The following TTI1 variants were observed in gnomAD, a reference collection of about 807,000 sequenced individuals.
The protein encoded by TTI1 is TELO2 interacting protein 1, also known as TELO2-interacting protein 1 homolog.
TTI1 carries 52 observed loss-of-function variants against 85.4 expected under a neutral mutation model. That is an observed-to-expected ratio of 0.61 (90% CI 0.49 to 0.77). TTI1 has a LOEUF of 0.77. Ranked by LOEUF, TTI1 falls within the 30% of genes least tolerant of loss-of-function variation. The pLI, the probability that TTI1 is intolerant of heterozygous loss-of-function variation, is 0.00. For missense variants in TTI1, 1,173 were observed against 1,296.0 expected, an observed-to-expected ratio of 0.91 and a Z score of 1.46; for synonymous variants, 512 against 503.9, an observed-to-expected ratio of 1.02 and a Z score of -0.22.
In TTI1 at chr20:38,013,015, C is replaced by T. The variant is rs2122590714; in HGVS notation, c.802G>A (p.Val268Ile). 6.2e-7 allele frequency: 1 copy of T among 1,614,056 alleles called. No individual in the cohort carries two copies. The highest frequency in any genetic ancestry group is 1.6e-4 in the Middle Eastern group (1 of 6,062). Residue 268 changes from valine to isoleucine, a missense_variant, in exon 2 of 8, where the codon GTA becomes ATA. Val to Ile is a conservative substitution (Grantham distance 29). Transcript: ENST00000373447. ...VQAKPAVEHR[V>I]AELMVYREAD... ...TCCCTGTAAACCATCAGCTCTGCTA[C>T]TCTGTGCTCAACTGCAGGTTTTGCT... is the stretch of plus-strand genomic sequence containing the variant.
At chr20:38,018,151 C>T (rs950270268) in intron 1 of TTI1, among the ~76,000 whole-genome samples, 2 of 152,088 alleles carry the variant, frequency 1.3e-5, no homozygotes, top group Non-Finnish European at 2.9e-5. Flanking sequence ...AGAAGCAGAC[C>T]TATGGATGGC....
At chr20:38,002,965 G>A (rs1468747492) in intron 3 of TTI1, among the ~76,000 whole-genome samples, 189 bp from the exon 4 acceptor site, 2 of 152,182 alleles carry the variant, frequency 1.3e-5, no homozygotes, top group Non-Finnish European at 2.9e-5. Context: ...CATTTTATGA[G>A]GTCCCTATTT....
chr20:38,024,794 G>C (rs2073815324), intron 1 of TTI1, among the ~76,000 whole-genome samples: 1 of 152,142 alleles, frequency 6.6e-6, no homozygotes, highest in Non-Finnish European at 1.5e-5. Context: ...GTAGGAGCAG[G>C]CATTCCATCC....
intron 7 of TTI1, among the ~76,000 whole-genome samples, chr20:37,996,032 T>C (rs907285071): frequency 2.6e-5 from 4 of 152,166 alleles, no homozygotes; most frequent in African/African-American, 9.7e-5. Flanking sequence ...ACTTTGCTGT[T>C]GAAGAAGCCA....
chr20:37,997,002 A>G (rs2073351990), intron 5 of TTI1, 49 bp from the exon 6 acceptor site: 5 of 1,582,068 alleles, frequency 3.2e-6, no homozygotes, highest in Non-Finnish European at 4.3e-6. Context: ...CAAGGCAGCA[A>G]GAGAGCTAAA....
intron 7 of TTI1, among the ~76,000 whole-genome samples, chr20:37,989,526 C>T (rs1013545466): frequency 5.3e-5 from 8 of 152,180 alleles, no homozygotes; most frequent in Non-Finnish European, 7.3e-5. Flanking sequence ...CCCACTGGGG[C>T]GAGATTTAAA....
At chr20:38,000,475 G>T (rs543513698) in intron 4 of TTI1, 1 of 154,348 alleles carries the variant, frequency 6.5e-6, no homozygotes, top group East Asian at 1.9e-4. Flanking sequence ...CTTCCCTCCC[G>T]CGTGGGCGGC....
chr20:38,016,145 G>T (rs2073678849), intron 1 of TTI1, among the ~76,000 whole-genome samples: 1 of 152,198 alleles, frequency 6.6e-6, no homozygotes, highest in Non-Finnish European at 1.5e-5. Context: ...AAGGATTGTG[G>T]CCCCCAAATG....
At chr20:37,985,003 A>C (rs528713639) in intron 7 of TTI1, among the ~76,000 whole-genome samples, 1 of 152,352 alleles carries the variant, frequency 6.6e-6, no homozygotes, top group African/African-American at 2.4e-5. Flanking sequence ...AGAATATTTA[A>C]GTTCTACGAA....
Position 38,013,391 on chromosome 20 carries a change from A to T in TTI1, c.426T>A (p.Phe142Leu). The change falls in exon 2 of 8, where the codon TTT becomes TTA. Residue 142 changes from phenylalanine (F) to leucine (L), a missense_variant. Transcript: ENST00000373447. ...HSAYGDIILT[F>L]YEPSILPRLG... ...AACGTGGCAGAATGGAGGGCTCATAAAAAGTCAGAATGATGTCCCCATAAG... is the reference window on the plus strand; with the variant it reads ...AACGTGGCAGAATGGAGGGCTCATATAAAGTCAGAATGATGTCCCCATAAG... The T allele has an allele frequency of 6.2e-7, 1 of 1,614,070 alleles. No individual in the cohort carries two copies. Among genetic ancestry groups the T allele is most frequent in the Non-Finnish European group, 8.5e-7 (1 of 1,180,034 alleles).
chr20:38,013,912 G>C (rs1600641455), intron 1 of TTI1, 55 bp from the exon 2 acceptor site: 2 of 1,492,406 alleles, frequency 1.3e-6, no homozygotes, highest in East Asian at 2.3e-5. Flanking sequence ...AGTATGAAGT[G>C]AACTTGCATT....
At chr20:38,021,688 A>G (rs2073773469) in intron 1 of TTI1, among the ~76,000 whole-genome samples, 1 of 152,198 alleles carries the variant, frequency 6.6e-6, no homozygotes, top group Non-Finnish European at 1.5e-5. Context: ...AGTAGTTGGC[A>G]AGTAGGCACT....
chr20:38,008,390 C>T (rs1450047697), intron 2 of TTI1, among the ~76,000 whole-genome samples: 1 of 152,162 alleles, frequency 6.6e-6, no homozygotes, highest in East Asian at 1.9e-4. Context: ...CAAGAAAGGA[C>T]TGGTTAAATA....
intron 1 of TTI1, among the ~76,000 whole-genome samples, chr20:38,029,884 C>T (rs6022478): frequency 1.3e-5 from 2 of 152,120 alleles, no homozygotes; most frequent in African/African-American, 4.8e-5. Flanking sequence ...CCTGCACTGC[C>T]TTGGGACTCT....
intron 7 of TTI1, among the ~76,000 whole-genome samples, chr20:37,994,761 C>T (rs1411473945): frequency 1.3e-5 from 2 of 152,280 alleles, no homozygotes; most frequent in South Asian, 2.1e-4. Context: ...AAGGGAGCTG[C>T]GGTCAAGTGG....
At chr20:38,001,095 A>T (rs2073419512) in intron 4 of TTI1, among the ~76,000 whole-genome samples, 1 of 152,164 alleles carries the variant, frequency 6.6e-6, no homozygotes, top group Non-Finnish European at 1.5e-5. Context: ...CTCTCTCCCC[A>T]CAAAAGACAG....
rs546454601 is a variant in TTI1 at position 38,010,316 on chromosome 20, G to T, written c.2302+1199C>A. On this transcript the variant is annotated intron_variant, in intron 2 of 7. Transcript: ENST00000373447. ...CCAGTGACCATTCCACCTTCTCAGA[G>T]GCTATTAGCAGTACTGAGATAAATA... Among the ~76,000 whole-genome samples, 5 of 152,176 alleles carry T rather than the reference G, an allele frequency of 3.3e-5. No homozygotes were observed. The South Asian group carries it at 1.0e-3, about 32-fold the overall frequency.
intron 2 of TTI1, among the ~76,000 whole-genome samples, chr20:38,010,879 G>C (rs1306178914): frequency 6.6e-6 from 1 of 152,176 alleles, no homozygotes; most frequent in Non-Finnish European, 1.5e-5. Flanking sequence ...AAGGTTAAAA[G>C]GAAGTTTCTA....
chr20:37,995,291 A>G (rs995598104), intron 7 of TTI1, among the ~76,000 whole-genome samples: 7 of 152,238 alleles, frequency 4.6e-5, no homozygotes, highest in Non-Finnish European at 1.5e-5. Flanking sequence ...AAAGGACAAT[A>G]AATCAATTCA....
Sources: gnomAD v4.1 joint callset for allele counts (sites outside exome capture counted in the v4.1 genomes callset) on GRCh38, gnomAD v4.1.1 for gene constraint, MANE v1.5 for transcripts, NCBI Gene and HGNC (gene_info 2026-07-23, HGNC 2026-07-21) for gene names.